The following ADAMTSL1 variants were observed in gnomAD, a reference collection of about 807,000 sequenced individuals.
The protein encoded by ADAMTSL1 is ADAMTS like 1, also known as ADAMTS-like protein 1.
ADAMTSL1 carries 126 observed loss-of-function variants against 201.8 expected under a neutral mutation model. The ratio of observed to expected loss-of-function variants is 0.62; its 90% CI spans 0.54 to 0.72. The LOEUF (loss-of-function observed/expected upper bound fraction) is 0.72. ADAMTSL1 is among the 30% of genes least tolerant of loss of function. The probability of loss-of-function intolerance (pLI) is 0.00; values close to 1 mark genes in which losing one functional copy is unlikely to be tolerated. For missense variants in ADAMTSL1, 2,679 were observed against 2,277.8 expected (o/e 1.18, Z -3.59); for synonymous variants, 1,121 against 903.4 (o/e 1.24, Z -4.32).
chr9:18,081,588 G>A (rs1457870076), intron 1 of ADAMTSL1, among the ~76,000 whole-genome samples: 1 of 152,048 alleles, frequency 6.6e-6, no homozygotes, highest in Non-Finnish European at 1.5e-5. Context: ...AGATTTCCAT[G>A]GGCCCAGTGC....
chr9:18,143,974 C>T lies in ADAMTSL1; in HGVS notation c.88-19888C>T, dbSNP rs118122977. Reference sequence around the variant, plus strand: ...CTTTCCAAAAGATTTCTGGTGGGAACGTTTAACAACTGAGTAAAACGTTGC... The same window carrying T: ...CTTTCCAAAAGATTTCTGGTGGGAATGTTTAACAACTGAGTAAAACGTTGC... On this transcript the variant is annotated intron_variant, in intron 1 of 29. Coordinates refer to the ADAMTSL1 transcript ENST00000680146. 3.9e-5 allele frequency among the ~76,000 whole-genome samples: 6 copies of T among 152,130 alleles called. No homozygotes were observed. The South Asian group carries it at 1.2e-3, about 32-fold the overall frequency.
intron 2 of ADAMTSL1, among the ~76,000 whole-genome samples, chr9:18,286,389 T>G (rs559163608): frequency 6.6e-6 from 1 of 152,326 alleles, no homozygotes; most frequent in Non-Finnish European, 1.5e-5. Flanking sequence ...GATAAACTTT[T>G]TGTTGGCTCC....
At chr9:18,186,072 G>T (rs1275175707) in intron 2 of ADAMTSL1, among the ~76,000 whole-genome samples, 1 of 152,162 alleles carries the variant, frequency 6.6e-6, no homozygotes, top group Non-Finnish European at 1.5e-5. Flanking sequence ...ATAAAAGCTT[G>T]AGCTGAGAAT....
intron 2 of ADAMTSL1, among the ~76,000 whole-genome samples, chr9:18,354,453 C>T (rs997399569): frequency 7.9e-5 from 12 of 152,076 alleles, no homozygotes; most frequent in Admixed American, 6.6e-4. Context: ...TTTGCTGTTA[C>T]GTTGGATGTC....
Position 18,669,516 on chromosome 9 carries a change from TA to T in ADAMTSL1, c.1086-6338del, listed in dbSNP as rs1587849009. ...GATCTGATTTCGGTGGAAGCCCAGA[TA>T]AATGAATGTTGCTGCTTAGTTTATG... is the stretch of plus-strand genomic sequence containing the variant. On this transcript the variant is annotated intron_variant, in intron 9 of 28. Transcript: ENST00000380548. Among the ~76,000 whole-genome samples the T allele has an allele frequency of 3.3e-5, 5 of 152,292 alleles. No homozygotes were observed. In the East Asian group the frequency reaches 9.7e-4, roughly 29 times the overall value.
chr9:18,050,208 A>G (rs184848512), intron 1 of ADAMTSL1, among the ~76,000 whole-genome samples: 6 of 152,350 alleles, frequency 3.9e-5, no homozygotes, highest in African/African-American at 1.4e-4. Flanking sequence ...CATGATTAAA[A>G]TAAAAATTTG....
At chr9:18,638,021 T>C (rs1827205467) in intron 6 of ADAMTSL1, among the ~76,000 whole-genome samples, 2 of 152,110 alleles carry the variant, frequency 1.3e-5, no homozygotes, top group Non-Finnish European at 2.9e-5. Context: ...GGAGATTTAG[T>C]GCAGTTGCTT....
chr9:18,822,982 A>G (rs1824308446), intron 21 of ADAMTSL1, among the ~76,000 whole-genome samples: 1 of 152,190 alleles, frequency 6.6e-6, no homozygotes, highest in African/African-American at 2.4e-5. Context: ...AAAAAACTTT[A>G]TAACACCTCA....
chr9:18,109,850 G>A (rs953715901), intron 1 of ADAMTSL1, among the ~76,000 whole-genome samples: 1 of 152,232 alleles, frequency 6.6e-6, no homozygotes, highest in Admixed American at 6.5e-5. Context: ...CACCCCTACT[G>A]CCACTTTCCC....
intron 1 of ADAMTSL1, among the ~76,000 whole-genome samples, chr9:18,070,759 TAGAC>T (rs1733089934): frequency 6.6e-6 from 1 of 152,072 alleles, no homozygotes; most frequent in Non-Finnish European, 1.5e-5. Context: ...CGGGGCTAGA[TAGAC>T]AGAAGAGAGG....
At chr9:18,074,613 G>A (rs10963433) in intron 1 of ADAMTSL1, among the ~76,000 whole-genome samples, 5,518 of 142,788 alleles carry the variant, frequency 0.039, 336 homozygotes, top group East Asian at 0.34. Flanking sequence ...TTGTTGAGAC[G>A]GAGTTTCACT....
chr9:18,405,165 A>G (rs998262868), intron 2 of ADAMTSL1, among the ~76,000 whole-genome samples: 2 of 152,180 alleles, frequency 1.3e-5, no homozygotes, highest in Admixed American at 6.5e-5. Context: ...AGTTCCAACT[A>G]TATTGAAATT....
At chr9:18,666,546 A>G (rs1208890193) in intron 9 of ADAMTSL1, among the ~76,000 whole-genome samples, 2 of 152,124 alleles carry the variant, frequency 1.3e-5, no homozygotes, top group Non-Finnish European at 2.9e-5. Context: ...TATGTTCTGT[A>G]TGCTTTCCCA....
intron 2 of ADAMTSL1, among the ~76,000 whole-genome samples, chr9:18,215,419 T>C (rs1830024030): frequency 6.6e-6 from 1 of 152,210 alleles, no homozygotes; most frequent in Non-Finnish European, 1.5e-5. Context: ...AGAAATATTG[T>C]ATTTTATGAA....
intron 25 of ADAMTSL1, 138 bp from the exon 26 acceptor site, chr9:18,892,251 C>A (rs1829325859): frequency 1.3e-6 from 1 of 785,332 alleles, no homozygotes; most frequent in Non-Finnish European, 2.0e-6. Context: ...GCCTATCAAT[C>A]ATCTTTCCAA....
intron 1 of ADAMTSL1, among the ~76,000 whole-genome samples, chr9:18,128,754 C>A (rs1461226369): frequency 2.0e-5 from 3 of 152,056 alleles, no homozygotes; most frequent in Admixed American, 2.0e-4. Context: ...AATTCCCATT[C>A]CCTCTTCCCC....
chr9:18,544,908 G>T (rs1820383120), intron 3 of ADAMTSL1, among the ~76,000 whole-genome samples: 1 of 152,154 alleles, frequency 6.6e-6, no homozygotes, highest in African/African-American at 2.4e-5. Context: ...CTGATGAAGA[G>T]AATTAAGAAT....
At chr9:18,331,157 A>G (rs1835012885) in intron 2 of ADAMTSL1, among the ~76,000 whole-genome samples, 1 of 152,154 alleles carries the variant, frequency 6.6e-6, no homozygotes, top group African/African-American at 2.4e-5. Flanking sequence ...CTGTTTGAGG[A>G]CTGCAAGAAG....
intron 2 of ADAMTSL1, among the ~76,000 whole-genome samples, chr9:18,514,577 G>A (rs566944450): frequency 3.7e-4 from 56 of 152,094 alleles, no homozygotes; most frequent in African/African-American, 1.2e-3. Context: ...TGATCCGCCC[G>A]CCTCGGCCTC....
Sources: allele counts gnomAD v4.1 joint callset (sites outside exome capture counted in the v4.1 genomes callset), GRCh38; gene constraint gnomAD v4.1.1; transcripts MANE v1.5; gene names NCBI Gene and HGNC (gene_info 2026-07-23, HGNC 2026-07-21).